LBHD2: variants seen among roughly 807,000 people sequenced by gnomAD.
LBHD2 encodes the protein LBH domain-containing protein 2.
intron 2 of LBHD2, 27 bp downstream of exon 2, chr14:103,086,108 C>T (rs1050950385): frequency 5.4e-5 from 21 of 390,192 alleles, no homozygotes; most frequent in African/African-American, 1.0e-4. Flanking sequence ...CTGGGGGGGT[C>T]GGGAGGGAGC....
intron 1 of LBHD2, among the ~76,000 whole-genome samples, chr14:103,084,705 G>A (rs915767531): frequency 7.2e-5 from 11 of 151,982 alleles, no homozygotes; most frequent in Admixed American, 5.9e-4. Flanking sequence ...TCATCTGTGG[G>A]TCTGTTTCTG....
chr14:103,087,081 T>C (rs927429117), intron 2 of LBHD2, among the ~76,000 whole-genome samples: 4 of 152,234 alleles, frequency 2.6e-5, no homozygotes, highest in Admixed American at 6.5e-5. Context: ...GGGTGGCCCC[T>C]GGGAGGATCC....
chr14:103,087,071 G>A (rs905067873), intron 2 of LBHD2, among the ~76,000 whole-genome samples: 2 of 152,262 alleles, frequency 1.3e-5, no homozygotes, highest in Non-Finnish European at 2.9e-5. Flanking sequence ...GCCAGCATGA[G>A]GGTGGCCCCT....
intron 2 of LBHD2, among the ~76,000 whole-genome samples, chr14:103,087,851 T>C (rs1889655131): frequency 6.6e-6 from 1 of 152,176 alleles, no homozygotes; most frequent in African/African-American, 2.4e-5. Context: ...TGGTGCCTCC[T>C]GAGAGCTGTG....
intron 2 of LBHD2, among the ~76,000 whole-genome samples, chr14:103,086,565 TG>T (rs1889636799): frequency 6.6e-6 from 1 of 152,174 alleles, no homozygotes. Flanking sequence ...CCAGCATTCC[TG>T]GCTTACTTAG....
At chr14:103,086,158 C>G (rs1358537915) in intron 2 of LBHD2, 77 bp downstream of exon 2, 1 of 398,298 alleles carries the variant, frequency 2.5e-6, no homozygotes, top group Non-Finnish European at 4.4e-6. Context: ...GCATGCCTTG[C>G]CTTGCTGCTG....
intron 2 of LBHD2, among the ~76,000 whole-genome samples, chr14:103,087,248 C>CTCAGGAA (rs1195953086): frequency 6.6e-6 from 1 of 152,264 alleles, no homozygotes; most frequent in Non-Finnish European, 1.5e-5. Flanking sequence ...GGAATGTGCA[C>CTCAGGAA]TGTTCAGGGA....
At chr14:103,089,059 A>G (rs1315002790) in intron 3 of LBHD2, among the ~76,000 whole-genome samples, 1 of 152,224 alleles carries the variant, frequency 6.6e-6, no homozygotes, top group South Asian at 2.1e-4. Flanking sequence ...GCCAGGCCCA[A>G]GGAACAGGAG....
intron 1 of LBHD2, among the ~76,000 whole-genome samples, chr14:103,084,600 CT>C (rs1168358737): frequency 6.6e-6 from 1 of 152,160 alleles, no homozygotes; most frequent in African/African-American, 2.4e-5. Flanking sequence ...CAAGGCAGCC[CT>C]TGGGCACTTG....
At chr14:103,086,937 G>A (rs952698856) in intron 2 of LBHD2, among the ~76,000 whole-genome samples, 21 of 152,218 alleles carry the variant, frequency 1.4e-4, no homozygotes, top group African/African-American at 5.1e-4. Context: ...AAACGCTGCT[G>A]GCCTGGACCT....
At chr14:103,087,558 A>G (rs1889651463) in intron 2 of LBHD2, among the ~76,000 whole-genome samples, 2 of 152,310 alleles carry the variant, frequency 1.3e-5, no homozygotes, top group East Asian at 1.9e-4. Flanking sequence ...AGGCCTGGGG[A>G]CGCAGCCCCC....
intron 2 of LBHD2, among the ~76,000 whole-genome samples, chr14:103,087,257 G>C (rs977557765): frequency 6.6e-6 from 1 of 152,262 alleles, no homozygotes; most frequent in African/African-American, 2.4e-5. Flanking sequence ...ACTGTTCAGG[G>C]ATCTTGCTGC....
At chr14:103,085,796 G>A (rs1889624287) in intron 1 of LBHD2, among the ~76,000 whole-genome samples, 180 bp from the exon 2 acceptor site, 1 of 152,234 alleles carries the variant, frequency 6.6e-6, no homozygotes, top group South Asian at 2.1e-4. Flanking sequence ...TGTGCGGCCA[G>A]GGTCCAGTGC....
chr14:103,089,723 C>T lies in LBHD2; in HGVS notation c.253C>T (p.Pro85Ser). 2.5e-6 allele frequency: 1 copy of T among 398,688 alleles called. No individual in the cohort carries two copies. Among genetic ancestry groups the T allele is most frequent in the Non-Finnish European group, 4.4e-6 (1 of 226,102 alleles). The allele number at this position is 398,688 out of a possible 1,614,324, so 24.7% of individuals were successfully genotyped here. ...CCCCTCGCCGAGTCTGCCCGGAGAA[C>T]CAGGGAAAGCTGCAGATAACGCTGG... Reference protein sequence around the residue: ...AAPSPSLPGEPGKAADNAGSE... With the variant: ...AAPSPSLPGESGKAADNAGSE... The change falls in exon 4 of 4, where the codon CCA becomes TCA. Residue 85 changes from proline (P) to serine (S), a missense_variant. Transcript: ENST00000634353.
intron 3 of LBHD2, 110 bp downstream of exon 3, chr14:103,088,351 G>T (rs1889663231): frequency 2.5e-6 from 1 of 397,934 alleles, no homozygotes; most frequent in East Asian, 3.6e-5. Flanking sequence ...CCCGCCTCCT[G>T]CCTGTTCACA....
chr14:103,087,557 G>T (rs1889651431), intron 2 of LBHD2, among the ~76,000 whole-genome samples: 1 of 152,240 alleles, frequency 6.6e-6, no homozygotes, highest in African/African-American at 2.4e-5. Flanking sequence ...AAGGCCTGGG[G>T]ACGCAGCCCC....
chr14:103,087,841 T>C lies in LBHD2; in HGVS notation c.70-244T>C, dbSNP rs117867791. Among the ~76,000 whole-genome samples, 357 of 152,262 alleles carry C rather than the reference T, an allele frequency of 2.3e-3. 13 individuals are homozygous for C. In the East Asian group the frequency reaches 0.058, roughly 25 times the overall value. On this transcript the variant is annotated intron_variant, in intron 2 of 3. Transcript: ENST00000634353. Reference sequence around the variant, plus strand: ...TGGAGCTGAGCACAGCTGCGTCCTATGGTGCCTCCTGAGAGCTGTGACCCC... The same window carrying C: ...TGGAGCTGAGCACAGCTGCGTCCTACGGTGCCTCCTGAGAGCTGTGACCCC...
chr14:103,088,795 A>T (rs1030839408), intron 3 of LBHD2, among the ~76,000 whole-genome samples: 2 of 152,218 alleles, frequency 1.3e-5, no homozygotes, highest in African/African-American at 4.8e-5. Context: ...GGAGTTCGAG[A>T]CTAGCCTGGC....
At chr14:103,085,567 G>T (rs1447194931) in intron 1 of LBHD2, among the ~76,000 whole-genome samples, 1 of 152,216 alleles carries the variant, frequency 6.6e-6, no homozygotes, top group Non-Finnish European at 1.5e-5. Context: ...TGGCTGACTT[G>T]AACCCAGTCC....
Sources: gnomAD v4.1 joint callset for allele counts (sites outside exome capture counted in the v4.1 genomes callset) on GRCh38, gnomAD v4.1.1 for gene constraint, MANE v1.5 for transcripts, NCBI Gene and HGNC (gene_info 2026-07-23, HGNC 2026-07-21) for gene names.